The following DCC variants were observed in gnomAD, a reference collection of about 807,000 sequenced individuals.
DCC encodes the protein netrin receptor DCC.
In DCC, 58 loss-of-function variants were observed where a neutral mutation model predicts 172.5. The ratio of observed to expected loss-of-function variants is 0.34; its 90% CI spans 0.27 to 0.42. DCC has a LOEUF of 0.42. Among genes scored for constraint, DCC ranks in the 10% least tolerant of loss-of-function variants. The pLI, the probability that DCC is intolerant of heterozygous loss-of-function variation, is 1.00. For synonymous variants in DCC, 709 were observed against 644.5 expected, an observed-to-expected ratio of 1.10 and a Z score of -1.52; for missense variants, 1,740 against 1,791.0, an observed-to-expected ratio of 0.97 and a Z score of 0.51.
intron 1 of DCC, among the ~76,000 whole-genome samples, chr18:52,505,258 C>A (rs1350785473): frequency 6.6e-6 from 1 of 152,144 alleles, no homozygotes; most frequent in Admixed American, 6.5e-5. Flanking sequence ...ATGCTCTGTG[C>A]TTTTCAAATA....
intron 8 of DCC, among the ~76,000 whole-genome samples, chr18:53,174,696 C>G (rs573883440): frequency 5.6e-4 from 83 of 147,044 alleles, no homozygotes; most frequent in Middle Eastern, 3.5e-3. Context: ...AGCTTACCAA[C>G]CAAAAAGAGT....
intron 1 of DCC, among the ~76,000 whole-genome samples, chr18:52,478,410 G>A (rs1017673242): frequency 6.6e-6 from 1 of 152,164 alleles, no homozygotes; most frequent in African/African-American, 2.4e-5. Flanking sequence ...ATCTTCTCAT[G>A]GGTGCATTTC....
chr18:52,766,261 T>A (rs2037250864), intron 2 of DCC, among the ~76,000 whole-genome samples: 1 of 152,182 alleles, frequency 6.6e-6, no homozygotes, highest in South Asian at 2.1e-4. Context: ...CATGGCAGCA[T>A]CCAGGTGGGG....
At chr18:52,724,802 G>A (rs1292531519) in intron 1 of DCC, among the ~76,000 whole-genome samples, 1 of 152,154 alleles carries the variant, frequency 6.6e-6, no homozygotes, top group Non-Finnish European at 1.5e-5. Flanking sequence ...AGCACAGTGA[G>A]TAAACCTGGC....
chr18:53,352,325 C>A lies in DCC; in HGVS notation c.2359+12418C>A, dbSNP rs187503645. Among the ~76,000 whole-genome samples the A allele has an allele frequency of 9.2e-5, 14 of 152,210 alleles. No individual in the cohort carries two copies. In the East Asian group the frequency reaches 2.7e-3, roughly 29 times the overall value. On this transcript the variant is annotated intron_variant, in intron 15 of 28. Transcript: ENST00000442544. ...AACTTGGAGGAAAGAGACAGAAAAG[C>A]AAATGCTGTATCTGGGCATTTTCCT...
intron 12 of DCC, among the ~76,000 whole-genome samples, chr18:53,256,508 A>G (rs2056517724): frequency 1.3e-5 from 2 of 152,028 alleles, no homozygotes; most frequent in African/African-American, 4.8e-5. Flanking sequence ...GGTTTGTCAA[A>G]GATCAGATGG....
At chr18:52,882,741 G>T (rs2039505816) in intron 2 of DCC, among the ~76,000 whole-genome samples, 1 of 152,088 alleles carries the variant, frequency 6.6e-6, no homozygotes, top group South Asian at 2.1e-4. Flanking sequence ...GCAATCATTG[G>T]ATGAAATGTA....
chr18:52,856,765 T>C (rs1016110514), intron 2 of DCC, among the ~76,000 whole-genome samples: 11 of 152,156 alleles, frequency 7.2e-5, no homozygotes, highest in African/African-American at 2.4e-4. Context: ...TTGAAAAGCA[T>C]GTTAATAGCT....
At chr18:53,028,716 C>T (rs892601928) in intron 5 of DCC, among the ~76,000 whole-genome samples, 8 of 152,152 alleles carry the variant, frequency 5.3e-5, no homozygotes, top group Admixed American at 5.2e-4. Context: ...GTAGCCTCTA[C>T]AATACTTCCA....
chr18:52,938,131 A>G (rs2040407490), intron 5 of DCC, among the ~76,000 whole-genome samples: 1 of 152,142 alleles, frequency 6.6e-6, no homozygotes, highest in African/African-American at 2.4e-5. Context: ...CATTCAGATC[A>G]TGTGTCATAA....
chr18:53,531,288 G>A lies in DCC; in HGVS notation c.*635G>A, dbSNP rs1465852928. ...GCTAAAAATTCACCTATTTTGGCAA[G>A]TATTTGTAAATCCACCCTTGGTTAA... On this transcript the variant is annotated 3_prime_UTR_variant, in exon 29 of 29. Coordinates refer to ENST00000442544, the MANE Select transcript of DCC (RefSeq NM_005215.4). 1 of 158,070 alleles carries A rather than the reference G, an allele frequency of 6.3e-6. No homozygotes were observed. Among genetic ancestry groups the A allele is most frequent in the Non-Finnish European group, 1.4e-5 (1 of 70,902 alleles). The allele number at this position is 158,070 out of a possible 1,614,324, so 9.8% of individuals were successfully genotyped here. A position where few individuals can be genotyped will look rare whatever the true frequency, so the allele number is the denominator to read the frequency against.
In DCC at chr18:53,339,865, C is replaced by T; in HGVS notation, c.2317C>T (p.Arg773Cys). The T allele has an allele frequency of 4.3e-6, 7 of 1,613,722 alleles. No individual in the cohort carries two copies. The highest frequency in any genetic ancestry group is 5.1e-6 in the Non-Finnish European group (6 of 1,179,832). ...GVGSPYAETV[R>C]VDSKQRYYSI... ...TGGGAGCCCTTACGCTGAGACAGTG[C>T]GTGTGGACAGCAAGCAGCGATATTA... Residue 773 changes from arginine to cysteine, a missense_variant, in exon 15 of 29, where the codon CGT becomes TGT. Physicochemically the swap from Arg to Cys is radical, Grantham distance 180. Coordinates refer to ENST00000442544, the MANE Select transcript of DCC (RefSeq NM_005215.4).
intron 26 of DCC, among the ~76,000 whole-genome samples, chr18:53,497,544 G>A (rs538940812): frequency 1.3e-5 from 2 of 152,288 alleles, no homozygotes; most frequent in African/African-American, 4.8e-5. Flanking sequence ...TTGACCATCG[G>A]TCATAGTCTC....
At chr18:52,486,019 C>T (rs2030200870) in intron 1 of DCC, among the ~76,000 whole-genome samples, 1 of 152,074 alleles carries the variant, frequency 6.6e-6, no homozygotes, top group African/African-American at 2.4e-5. Context: ...GTTTTAGAGA[C>T]AGGGTCTTGT....
At chr18:53,211,266 C>T (rs892729715) in intron 11 of DCC, among the ~76,000 whole-genome samples, 1 of 152,084 alleles carries the variant, frequency 6.6e-6, no homozygotes, top group African/African-American at 2.4e-5. Flanking sequence ...TAAAATTTTC[C>T]CTACTTTACA....
chr18:52,412,024 T>G (rs959825487), intron 1 of DCC, among the ~76,000 whole-genome samples: 2 of 152,100 alleles, frequency 1.3e-5, no homozygotes, highest in Non-Finnish European at 2.9e-5. Flanking sequence ...TCTATTCAAA[T>G]CCCACATCTT....
intron 7 of DCC, among the ~76,000 whole-genome samples, chr18:53,147,587 G>A (rs901371423): frequency 6.6e-6 from 1 of 152,144 alleles, no homozygotes; most frequent in Non-Finnish European, 1.5e-5. Context: ...AGAGCCAAGT[G>A]CACTGCACAC....
intron 1 of DCC, among the ~76,000 whole-genome samples, chr18:52,464,011 C>T (rs1393262698): frequency 2.0e-5 from 3 of 152,122 alleles, no homozygotes; most frequent in Non-Finnish European, 2.9e-5. Context: ...CCTCTTCAGC[C>T]TCATACCTTT....
intron 2 of DCC, among the ~76,000 whole-genome samples, chr18:52,767,325 A>G (rs1243019721): frequency 6.6e-6 from 1 of 152,140 alleles, no homozygotes; most frequent in Admixed American, 6.5e-5. Context: ...AAAGTTTGTC[A>G]TGGCTTTGAA....
Sources: gnomAD v4.1 joint callset for allele counts (sites outside exome capture counted in the v4.1 genomes callset) on GRCh38, gnomAD v4.1.1 for gene constraint, MANE v1.5 for transcripts, NCBI Gene and HGNC (gene_info 2026-07-23, HGNC 2026-07-21) for gene names.